The following SNAP25 variants were observed in gnomAD, a reference collection of about 807,000 sequenced individuals.
The protein encoded by SNAP25 is synaptosome associated protein 25.
Under a neutral mutation model 28.7 loss-of-function variants are expected in SNAP25, and 3 were observed. The observed-to-expected ratio is 0.10, with a 90% CI of 0.05 to 0.27. The LOEUF (loss-of-function observed/expected upper bound fraction) is 0.27. SNAP25 is among the 10% of genes least tolerant of loss of function. The pLI is 1.00. For missense variants in SNAP25, 117 were observed against 278.7 expected (o/e 0.42, Z 4.13); for synonymous variants, 61 against 88.1 (o/e 0.69, Z 1.72).
At chr20:10,279,891 T>A (rs1202523074) in intron 3 of SNAP25, among the ~76,000 whole-genome samples, 1 of 152,202 alleles carries the variant, frequency 6.6e-6, no homozygotes, top group Non-Finnish European at 1.5e-5. Flanking sequence ...CCTGGGTTAT[T>A]TTCTATTTAT....
In SNAP25 at chr20:10,304,310, G is replaced by A. The variant is rs557720348; in HGVS notation, c.553-1819G>A. ...TTGATGTTGTCAAAGTTTAATGAGTGGAACAAAGTACAGTTGACCCTTGAA... is the reference window on the plus strand; with the variant it reads ...TTGATGTTGTCAAAGTTTAATGAGTAGAACAAAGTACAGTTGACCCTTGAA... On this transcript the variant is annotated intron_variant, in intron 7 of 7. Transcript: ENST00000254976. 3.9e-5 allele frequency among the ~76,000 whole-genome samples: 6 copies of A among 152,254 alleles called. No individual in the cohort carries two copies. The South Asian group carries it at 1.2e-3, about 32-fold the overall frequency.
intron 7 of SNAP25, among the ~76,000 whole-genome samples, chr20:10,300,195 GT>G (rs1344749834): frequency 6.8e-6 from 1 of 146,348 alleles, no homozygotes; most frequent in African/African-American, 2.5e-5. Context: ...GAAGGGGTGG[GT>G]TTGGGGGCTT....
Position 10,269,164 on chromosome 20 carries a change from C to T in SNAP25, c.-63-6265C>T, listed in dbSNP as rs2063552505. Among the ~76,000 whole-genome samples the T allele has an allele frequency of 2.6e-5, 4 of 152,182 alleles. No homozygotes were observed. In the South Asian group the frequency reaches 8.3e-4, roughly 32 times the overall value. On this transcript the variant is annotated intron_variant, in intron 1 of 7. Coordinates refer to ENST00000254976, the MANE Select transcript of SNAP25 (RefSeq NM_130811.4). ...AGTGTCTCACGCCTGTAACCCGGCA[C>T]TTTGGGAGGTCAGGGCAGGTGGATC...
intron 1 of SNAP25, among the ~76,000 whole-genome samples, chr20:10,239,181 G>A (rs989906818): frequency 1.3e-5 from 2 of 152,064 alleles, no homozygotes; most frequent in African/African-American, 4.8e-5. Flanking sequence ...AAGAGTAGGG[G>A]GCCTCGAGTC....
intron 1 of SNAP25, among the ~76,000 whole-genome samples, chr20:10,234,932 G>A (rs1356410984): frequency 6.6e-6 from 1 of 152,188 alleles, no homozygotes; most frequent in African/African-American, 2.4e-5. Context: ...GCATGGTGAT[G>A]TGCACCTGTA....
At chr20:10,286,385 G>A (rs192243284) in intron 4 of SNAP25, among the ~76,000 whole-genome samples, 13 of 152,282 alleles carry the variant, frequency 8.5e-5, no homozygotes, top group African/African-American at 2.4e-4. Flanking sequence ...GAGCTGCCGG[G>A]AGCAGGCAGA....
intron 1 of SNAP25, among the ~76,000 whole-genome samples, chr20:10,225,965 G>T (rs570713852): frequency 5.8e-4 from 88 of 152,236 alleles, no homozygotes; most frequent in African/African-American, 2.1e-3. Context: ...CTTTTTCAGA[G>T]AATTTTCTCA....
At chr20:10,233,699 A>C (rs1322477468) in intron 1 of SNAP25, among the ~76,000 whole-genome samples, 1 of 152,156 alleles carries the variant, frequency 6.6e-6, no homozygotes, top group African/African-American at 2.4e-5. Context: ...AGGCTGCAAG[A>C]TTGTGCCTCT....
chr20:10,277,939 C>T lies in SNAP25; in HGVS notation c.114+213C>T, dbSNP rs1292108975. 17 of 494,688 alleles carry T rather than the reference C, an allele frequency of 3.4e-5. No homozygotes were observed. In the East Asian group the frequency reaches 4.6e-4, roughly 13 times the overall value. The allele number at this position is 494,688 out of a possible 1,614,324, so 30.6% of individuals were successfully genotyped here. A position where few individuals can be genotyped will look rare whatever the true frequency, so the allele number is the denominator to read the frequency against. On this transcript the variant is annotated intron_variant, in intron 3 of 7. Coordinates refer to ENST00000254976, the MANE Select transcript of SNAP25 (RefSeq NM_130811.4). Reference sequence around the variant, plus strand: ...CCCTCCTTCCCAGCCCAAGCCACCTCTGTAGTCTGGTCTGGGAAGCAGAGA... The same window carrying T: ...CCCTCCTTCCCAGCCCAAGCCACCTTTGTAGTCTGGTCTGGGAAGCAGAGA...
At chr20:10,243,837 T>C (rs2063078701) in intron 1 of SNAP25, among the ~76,000 whole-genome samples, 1 of 152,212 alleles carries the variant, frequency 6.6e-6, no homozygotes, top group Non-Finnish European at 1.5e-5. Context: ...TCTAGCTCAC[T>C]GTCAAAGTAT....
intron 1 of SNAP25, among the ~76,000 whole-genome samples, chr20:10,247,685 T>G (rs750369107): frequency 6.6e-6 from 1 of 152,140 alleles, no homozygotes; most frequent in Non-Finnish European, 1.5e-5. Flanking sequence ...TCCAACTGTC[T>G]CTAAAACTCC....
At chr20:10,240,254 C>T (rs2063001251) in intron 1 of SNAP25, among the ~76,000 whole-genome samples, 1 of 152,192 alleles carries the variant, frequency 6.6e-6, no homozygotes, top group East Asian at 1.9e-4. Flanking sequence ...CAGCTGACTT[C>T]AAGCCCAGCA....
At chr20:10,286,028 C>T (rs945192809) in intron 4 of SNAP25, among the ~76,000 whole-genome samples, 2 of 152,040 alleles carry the variant, frequency 1.3e-5, no homozygotes, top group African/African-American at 2.4e-5. Context: ...CATCTTTGAC[C>T]AAGACACTCC....
chr20:10,233,336 C>T (rs1336536428), intron 1 of SNAP25, among the ~76,000 whole-genome samples: 1 of 149,238 alleles, frequency 6.7e-6, no homozygotes, highest in African/African-American at 2.6e-5. Context: ...GCTTAGGCCA[C>T]ATCCCATGTA....
chr20:10,219,808 A>T (rs990926405), intron 1 of SNAP25: 1 of 152,200 alleles, frequency 6.6e-6, no homozygotes, highest in East Asian at 1.9e-4. Flanking sequence ...CCCTTAATAG[A>T]GGAGTCATAG....
At chr20:10,236,588 A>C (rs926689438) in intron 1 of SNAP25, among the ~76,000 whole-genome samples, 1 of 152,130 alleles carries the variant, frequency 6.6e-6, no homozygotes, top group Admixed American at 6.5e-5. Flanking sequence ...GTTAAAAACA[A>C]TTCTCTGCCA....
intron 1 of SNAP25, among the ~76,000 whole-genome samples, chr20:10,240,396 C>T (rs1013044): frequency 0.88 from 134,214 of 152,212 alleles, 59,251 homozygotes; most frequent in Middle Eastern, 0.95. Context: ...TAATTATACA[C>T]GCAGGATCCA....
intron 3 of SNAP25, among the ~76,000 whole-genome samples, chr20:10,280,756 G>C (rs1220280581): frequency 1.3e-5 from 2 of 152,172 alleles, no homozygotes; most frequent in African/African-American, 4.8e-5. Flanking sequence ...TCCATGGAGT[G>C]GTTATTGCAC....
rs8636 is a variant in SNAP25, at chr20:10,307,094, T to C, written c.*897T>C. On this transcript the variant is annotated 3_prime_UTR_variant, in exon 8 of 8. Transcript: ENST00000254976. ...GTTTGTTTGCTGCTTTTGATGGCTA[T>C]GTTTTGGAGAGAGCAATCTTGCTGT... 107,154 of 152,332 alleles carry C rather than the reference T, an allele frequency of 0.7. 38,033 individuals carry two copies. The highest frequency in any genetic ancestry group is 0.8 in the African/African-American group (33,245 of 41,486). The allele number at this position is 152,332 out of a possible 1,614,324, so 9.4% of individuals were successfully genotyped here.
Sources: allele counts gnomAD v4.1 joint callset (sites outside exome capture counted in the v4.1 genomes callset), GRCh38; gene constraint gnomAD v4.1.1; transcripts MANE v1.5; gene names NCBI Gene and HGNC (gene_info 2026-07-23, HGNC 2026-07-21).